The following KCNQ1 variants were observed in gnomAD, a reference collection of about 807,000 sequenced individuals.
KCNQ1 encodes the protein potassium voltage-gated channel subfamily Q member 1.
In KCNQ1, 49 loss-of-function variants were observed where a neutral mutation model predicts 72.4. That is an observed-to-expected ratio of 0.68 (90% CI 0.54 to 0.86). The LOEUF (loss-of-function observed/expected upper bound fraction) is 0.86, where lower values mean the gene tolerates loss of function less well. KCNQ1 is among the 40% of genes least tolerant of loss of function. The pLI is 0.00. For synonymous variants in KCNQ1, 450 were observed against 412.6 expected (o/e 1.09, Z -1.10); for missense variants, 790 against 945.1 (o/e 0.84, Z 2.15).
chr11:2,821,116 C>T (rs570103593), intron 15 of KCNQ1, among the ~76,000 whole-genome samples: 5 of 152,354 alleles, frequency 3.3e-5, no homozygotes, highest in Middle Eastern at 3.4e-3. Context: ...GGGAAGCTTT[C>T]GTCCCTGCAG....
In KCNQ1 at chr11:2,526,583, C is replaced by A. The variant is rs2133646359; in HGVS notation, c.387-1345C>A. Reference sequence around the variant, plus strand: ...AAGGGGGTGGGGGGCCAGAGCCCCACCTTCCCCAGAAACCTCCGTGCAGCA... The same window carrying A: ...AAGGGGGTGGGGGGCCAGAGCCCCAACTTCCCCAGAAACCTCCGTGCAGCA... On this transcript the variant is annotated intron_variant, in intron 1 of 15. Coordinates refer to ENST00000155840, the MANE Select transcript of KCNQ1 (RefSeq NM_000218.3). The surrounding 1 kb of genome is among the most constrained non-coding windows in gnomAD (Gnocchi z 6.1). Among the ~76,000 whole-genome samples the A allele has an allele frequency of 1.3e-5, 2 of 152,112 alleles. No individual in the cohort carries two copies. Among genetic ancestry groups the A allele is most frequent in the Admixed American group, 1.3e-4 (2 of 15,286 alleles).
chr11:2,541,951 C>T lies in KCNQ1; in HGVS notation c.477+13933C>T, dbSNP rs758838531. Among the ~76,000 whole-genome samples, 34 of 152,288 alleles carry T rather than the reference C, an allele frequency of 2.2e-4. No homozygotes were observed. Among genetic ancestry groups the T allele is most frequent in the East Asian group, 3.9e-4 (2 of 5,154 alleles). ...CTGCACCCCTCCTGTGAAAGGCCGG[C>T]GCAGAGCTGCACCGTGGGGTCCCCT... is the stretch of plus-strand genomic sequence containing the variant. On this transcript the variant is annotated intron_variant, in intron 2 of 15. Coordinates refer to ENST00000155840, the MANE Select transcript of KCNQ1 (RefSeq NM_000218.3). This position sits in a 1 kb window ranked among gnomAD's most constrained non-coding sequence, Gnocchi z 4.8.
chr11:2,613,043 G>A lies in KCNQ1; in HGVS notation c.1393+24189G>A. On this transcript the variant is annotated intron_variant, in intron 10 of 15. Transcript: ENST00000155840. This position sits in a 1 kb window ranked among gnomAD's most constrained non-coding sequence, Gnocchi z 4.8. ...TTGTTTTGTAAGCCTGGCTTCATTG[G>A]TGTCACCCCTGGATCAGCATAACCT... 1 of 398,544 alleles carries A rather than the reference G, an allele frequency of 2.5e-6. No individual in the cohort carries two copies. The highest frequency in any genetic ancestry group is 2.1e-5 in the African/African-American group (1 of 48,698). 24.7% of individuals were successfully genotyped at this position (398,544 alleles called of 1,614,324 possible). A position where few individuals can be genotyped will look rare whatever the true frequency, so the allele number is the denominator to read the frequency against.
chr11:2,730,099 A>T (rs1203267917), intron 11 of KCNQ1, among the ~76,000 whole-genome samples: 1 of 152,094 alleles, frequency 6.6e-6, no homozygotes, highest in Non-Finnish European at 1.5e-5. Context: ...TGGTTGGCGC[A>T]GATGGCAACA....
chr11:2,833,214 CA>C (rs1847988098), intron 15 of KCNQ1, among the ~76,000 whole-genome samples: 1 of 152,164 alleles, frequency 6.6e-6, no homozygotes, highest in African/African-American at 2.4e-5. Flanking sequence ...GCAAGGGGCC[CA>C]CGCGCCAGGG....
intron 1 of KCNQ1, among the ~76,000 whole-genome samples, chr11:2,524,030 G>T (rs1236703432): frequency 6.6e-6 from 1 of 152,170 alleles, no homozygotes; most frequent in Non-Finnish European, 1.5e-5. Context: ...GTTAGGTTGT[G>T]TGGCCAAAGG....
intron 10 of KCNQ1, chr11:2,610,564 G>T: frequency 2.5e-6 from 1 of 398,276 alleles, no homozygotes; most frequent in South Asian, 1.3e-4. Context: ...TGAACTTCCT[G>T]GGAGCACTTC....
Position 2,753,070 on chromosome 11 carries a change from A to T in KCNQ1, c.1515-15774A>T, listed in dbSNP as rs188450277. 2.0e-5 allele frequency among the ~76,000 whole-genome samples: 3 copies of T among 152,244 alleles called. No individual in the cohort carries two copies. In the East Asian group the frequency reaches 5.8e-4, roughly 29 times the overall value. Reference sequence around the variant, plus strand: ...ATGTGTGATGCATCAACCCAGGGGGAGGAGAGAACGTGCATTCACGCAGAA... The same window carrying T: ...ATGTGTGATGCATCAACCCAGGGGGTGGAGAGAACGTGCATTCACGCAGAA... On this transcript the variant is annotated intron_variant, in intron 11 of 15. Coordinates refer to ENST00000155840, the MANE Select transcript of KCNQ1 (RefSeq NM_000218.3).
rs1848186777 is a variant in KCNQ1 at position 2,562,479 on chromosome 11, A to G, written c.478-8149A>G. On this transcript the variant is annotated intron_variant, in intron 2 of 15. Transcript: ENST00000155840. This position sits in a 1 kb window ranked among gnomAD's most constrained non-coding sequence, Gnocchi z 7.5. ...GGAACAGCTGGCCCCAAAGCCCGCCAGCCGGGCTCTATGCTGTGGGGACCA... is the reference window on the plus strand; with the variant it reads ...GGAACAGCTGGCCCCAAAGCCCGCCGGCCGGGCTCTATGCTGTGGGGACCA... Among the ~76,000 whole-genome samples, 1 of 152,144 alleles carries G rather than the reference A, an allele frequency of 6.6e-6. No individual in the cohort carries two copies. The highest frequency in any genetic ancestry group is 1.5e-5 in the Non-Finnish European group (1 of 68,006).
intron 11 of KCNQ1, among the ~76,000 whole-genome samples, chr11:2,743,829 A>T (rs1223243732): frequency 6.6e-6 from 1 of 152,238 alleles, no homozygotes; most frequent in East Asian, 1.9e-4. Flanking sequence ...TGCCTCAGAA[A>T]GGAATCTCAC....
intron 11 of KCNQ1, among the ~76,000 whole-genome samples, chr11:2,756,991 A>G (rs552251403): frequency 7.0e-6 from 1 of 143,872 alleles, no homozygotes; most frequent in East Asian, 2.1e-4. Flanking sequence ...ACCCACAGCT[A>G]ACATCACATC....
intron 1 of KCNQ1, among the ~76,000 whole-genome samples, chr11:2,467,166 G>A (rs932410200): frequency 6.6e-6 from 1 of 152,204 alleles, no homozygotes; most frequent in East Asian, 1.9e-4. Flanking sequence ...TCCCTGGGGT[G>A]AGGGCCAGGG....
At chr11:2,701,315 G>A (rs908632685) in intron 11 of KCNQ1, among the ~76,000 whole-genome samples, 2 of 152,198 alleles carry the variant, frequency 1.3e-5, no homozygotes, top group Non-Finnish European at 2.9e-5. Context: ...ACGACGCCCA[G>A]ATGAGTCCAC....
intron 6 of KCNQ1, 139 bp from the exon 7 acceptor site, chr11:2,583,296 G>A (rs570594889): frequency 4.0e-5 from 29 of 729,068 alleles, no homozygotes; most frequent in East Asian, 1.3e-4. Context: ...TGCTTTCGCC[G>A]AGTCACACGG....
At chr11:2,834,385 C>T (rs1053325648) in intron 15 of KCNQ1, among the ~76,000 whole-genome samples, 5 of 152,112 alleles carry the variant, frequency 3.3e-5, no homozygotes, top group Non-Finnish European at 5.9e-5. Context: ...CCTTGTTCTC[C>T]GGAGCTGGAG....
intron 10 of KCNQ1, chr11:2,656,237 C>A (rs938160312): frequency 5.0e-6 from 2 of 398,552 alleles, no homozygotes; most frequent in African/African-American, 4.1e-5. Flanking sequence ...TGTCACTTGA[C>A]AACTGCATTA....
chr11:2,584,696 T>C (rs1848566799), intron 7 of KCNQ1, among the ~76,000 whole-genome samples: 1 of 151,712 alleles, frequency 6.6e-6, no homozygotes, highest in Non-Finnish European at 1.5e-5. Flanking sequence ...TGTCAGTGTG[T>C]GTGTGTTAGT....
rs900889224 is a variant in KCNQ1, at chr11:2,752,415, T to C, written c.1515-16429T>C. On this transcript the variant is annotated intron_variant, in intron 11 of 15. Coordinates refer to ENST00000155840, the MANE Select transcript of KCNQ1 (RefSeq NM_000218.3). This position sits in a 1 kb window ranked among gnomAD's most constrained non-coding sequence, Gnocchi z 5.2. ...GTGTGCCAGGTGGTCTCTCGGGGGGTCCGATGGGATACCTAGTGTCTTAAT... is the reference window on the plus strand; with the variant it reads ...GTGTGCCAGGTGGTCTCTCGGGGGGCCCGATGGGATACCTAGTGTCTTAAT... 6.6e-6 allele frequency among the ~76,000 whole-genome samples: 1 copy of C among 151,594 alleles called. No homozygotes were observed. Among genetic ancestry groups the C allele is most frequent in the African/African-American group, 2.4e-5 (1 of 41,186 alleles).
intron 15 of KCNQ1, among the ~76,000 whole-genome samples, chr11:2,798,052 T>A (rs163173): frequency 0.5 from 75,946 of 152,012 alleles, 19,261 homozygotes; most frequent in African/African-American, 0.57. Flanking sequence ...CACAGCGGCC[T>A]TGGGACAATA....
Sources: gnomAD v4.1 joint callset for allele counts (sites outside exome capture counted in the v4.1 genomes callset) on GRCh38, gnomAD v4.1.1 for gene constraint, Gnocchi (gnomAD v3.1) non-coding constraint, MANE v1.5 for transcripts, NCBI Gene and HGNC (gene_info 2026-07-23, HGNC 2026-07-21) for gene names.